Variants in YEATS4 observed in about 807,000 individuals in gnomAD.
YEATS4 encodes the protein YEATS domain containing 4, also known as YEATS domain-containing protein 4.
In YEATS4, 17 loss-of-function variants were observed where a neutral mutation model predicts 30.1. The observed-to-expected ratio is 0.56, with a 90% CI of 0.39 to 0.85. The LOEUF (loss-of-function observed/expected upper bound fraction) is 0.85. Ranked by LOEUF, YEATS4 falls within the 40% of genes least tolerant of loss-of-function variation. YEATS4 has a pLI of 0.00. For missense variants in YEATS4, 142 were observed against 268.3 expected (o/e 0.53, Z 3.29); for synonymous variants, 85 against 87.5 (o/e 0.97, Z 0.16).
At chr12:69,375,889 G>A (rs1039028538) in intron 6 of YEATS4, among the ~76,000 whole-genome samples, 16 of 152,040 alleles carry the variant, frequency 1.1e-4, no homozygotes, top group East Asian at 5.8e-4. Flanking sequence ...GAGGGAGACC[G>A]CGCAGAGAGG....
At chr12:69,413,037 G>A in the YEATS4 span, among the ~76,000 whole-genome samples, 1 of 152,200 alleles carries the variant, frequency 6.6e-6, no homozygotes, top group East Asian at 1.9e-4. Flanking sequence ...TGGATCCTAA[G>A]TGTGCTAGGG....
intron 6 of YEATS4, among the ~76,000 whole-genome samples, chr12:69,375,273 G>A (rs1189170237): frequency 8.6e-5 from 13 of 151,752 alleles, no homozygotes; most frequent in African/African-American, 2.7e-4. Context: ...TGGGGTCGCG[G>A]CCGGGCAGAG....
At chr12:69,374,263 T>C (rs1460591495) in intron 6 of YEATS4, among the ~76,000 whole-genome samples, 1 of 152,098 alleles carries the variant, frequency 6.6e-6, no homozygotes, top group African/African-American at 2.4e-5. Flanking sequence ...TTCATGAACA[T>C]GGAATATCTT....
At chr12:69,383,490 A>C (rs1280900820) in intron 6 of YEATS4, among the ~76,000 whole-genome samples, 1 of 152,222 alleles carries the variant, frequency 6.6e-6, no homozygotes, top group Non-Finnish European at 1.5e-5. Flanking sequence ...AGACCTGGGC[A>C]CTCCAAAATT....
chr12:69,362,976 C>T (rs902950866), intron 2 of YEATS4, 69 bp downstream of exon 2: 44 of 484,940 alleles, frequency 9.1e-5, no homozygotes, highest in African/African-American at 8.6e-4. Context: ...TTAAAGACAA[C>T]CTGTAGTTTT....
chr12:69,374,802 T>A (rs1875780079), intron 6 of YEATS4, among the ~76,000 whole-genome samples: 1 of 152,142 alleles, frequency 6.6e-6, no homozygotes, highest in Non-Finnish European at 1.5e-5. Context: ...ACAGTAACAA[T>A]CTGATCTCTC....
At chr12:69,395,212 GA>G (rs1045506947), downstream of YEATS4, among the ~76,000 whole-genome samples, 2 of 150,042 alleles carry the variant, frequency 1.3e-5, no homozygotes, top group African/African-American at 4.9e-5. Flanking sequence ...AAGGGAAAAG[GA>G]AAAAAATAAG....
intron 4 of YEATS4, among the ~76,000 whole-genome samples, chr12:69,368,766 C>G (rs564595014): frequency 1.3e-5 from 2 of 152,204 alleles, no homozygotes; most frequent in Non-Finnish European, 2.9e-5. Context: ...GGCAACATAT[C>G]TCTAATATCT....
At chr12:69,398,814 CA>C in the YEATS4 span, among the ~76,000 whole-genome samples, 23 of 98,458 alleles carry the variant, frequency 2.3e-4, no homozygotes, top group East Asian at 2.8e-4. Flanking sequence ...GACCCTGTCT[CA>C]AAAAAAAAAA....
the YEATS4 span, chr12:69,422,613 A>C: frequency 6.7e-6 from 1 of 148,432 alleles, no homozygotes; most frequent in African/African-American, 2.5e-5. Flanking sequence ...CCTGGGTGAC[A>C]AAGCGAGACC....
At chr12:69,365,768 A>G in intron 3 of YEATS4, 22 bp from the exon 4 acceptor site, 1 of 1,528,574 alleles carries the variant, frequency 6.5e-7, no homozygotes, top group South Asian at 1.1e-5. Context: ...CCGATAATTT[A>G]CTATTTTTTT....
At chr12:69,393,319 T>C (rs1868329428), downstream of YEATS4, among the ~76,000 whole-genome samples, 1 of 151,684 alleles carries the variant, frequency 6.6e-6, no homozygotes, top group African/African-American at 2.4e-5. Flanking sequence ...AACAGAAAAA[T>C]TGGCCAGGTG....
chr12:69,365,488 G>A (rs1391454061), intron 2 of YEATS4, 145 bp from the exon 3 acceptor site: 2 of 608,980 alleles, frequency 3.3e-6, no homozygotes, highest in Non-Finnish European at 5.6e-6. Flanking sequence ...CTTCCCAGGT[G>A]TAGTTCATGT....
At chr12:69,426,970 A>G in the YEATS4 span, among the ~76,000 whole-genome samples, 1 of 152,198 alleles carries the variant, frequency 6.6e-6, no homozygotes, top group East Asian at 1.9e-4. Context: ...AAGTTTCTTG[A>G]AAGAGAGTTG....
Position 69,359,814 on chromosome 12 carries a change from A to G in YEATS4, c.-159A>G, listed in dbSNP as rs1875105105. 1.3e-6 allele frequency: 1 copy of G among 794,820 alleles called. No homozygotes were observed. The highest frequency in any genetic ancestry group is 1.8e-5 in the South Asian group (1 of 55,636). 49.2% of individuals were successfully genotyped at this position (794,820 alleles called of 1,614,324 possible). A position where few individuals can be genotyped will look rare whatever the true frequency, so the allele number is the denominator to read the frequency against. ...GGAGCACAGTCGGCCTGAGGAGTTG[A>G]CGGTTACTCACCGCCGTGAGCCCAA... On this transcript the variant is annotated 5_prime_UTR_variant, in exon 1 of 7. An upstream open reading frame in the 5' UTR loses its in-frame stop. Coordinates refer to ENST00000247843, the MANE Select transcript of YEATS4 (RefSeq NM_006530.4).
chr12:69,417,856 G>GAAAAAAAAAAAAAAAAAAAAA, the YEATS4 span, among the ~76,000 whole-genome samples: 1 of 101,980 alleles, frequency 9.8e-6, no homozygotes, highest in Non-Finnish European at 1.9e-5. Context: ...TTACAATAGG[G>GAAAAAAAAAAAAAAAAAAAAA]AAAAAAAAAA....
At chr12:69,415,153 G>A in the YEATS4 span, among the ~76,000 whole-genome samples, 3 of 152,162 alleles carry the variant, frequency 2.0e-5, no homozygotes, top group African/African-American at 7.2e-5. Context: ...CAGTAAGAGA[G>A]AAAGAAACAG....
At chr12:69,370,375 G>T (rs1445684016) in intron 4 of YEATS4, among the ~76,000 whole-genome samples, 1 of 152,094 alleles carries the variant, frequency 6.6e-6, no homozygotes, top group Admixed American at 6.5e-5. Context: ...ATCCACTTGT[G>T]TAAGTAAAAG....
the YEATS4 span, among the ~76,000 whole-genome samples, chr12:69,407,414 C>A: frequency 2.0e-5 from 3 of 152,118 alleles, no homozygotes; most frequent in East Asian, 5.8e-4. Flanking sequence ...AAAAATGGGC[C>A]TGTATTTTAT....
Sources: gnomAD v4.1 joint callset for allele counts (sites outside exome capture counted in the v4.1 genomes callset) on GRCh38, gnomAD v4.1.1 for gene constraint, MANE v1.5 for transcripts, NCBI Gene and HGNC (gene_info 2026-07-23, HGNC 2026-07-21) for gene names.